Variants in FAM228B observed in about 807,000 individuals in gnomAD.
The protein encoded by FAM228B is family with sequence similarity 228 member B.
FAM228B carries 38 observed loss-of-function variants against 42.6 expected under a neutral mutation model. The ratio of observed to expected loss-of-function variants is 0.89; its 90% CI spans 0.69 to 1.17. The LOEUF is 1.17. FAM228B is among the 50% of genes most tolerant of loss of function. The probability of loss-of-function intolerance (pLI) is 0.00; values close to 1 mark genes in which losing one functional copy is unlikely to be tolerated. For synonymous variants in FAM228B, 109 were observed against 122.3 expected, an observed-to-expected ratio of 0.89 and a Z score of 0.72; for missense variants, 344 against 367.3, an observed-to-expected ratio of 0.94 and a Z score of 0.52.
chr2:24,090,819 C>T (rs1330177510), intron 2 of FAM228B, among the ~76,000 whole-genome samples: 1 of 152,086 alleles, frequency 6.6e-6, no homozygotes, highest in African/African-American at 2.4e-5. Context: ...AAGACAAGGT[C>T]TCATTCTGTT....
chr2:24,167,577 A>G (rs1373757493), intron 9 of FAM228B, 50 bp from the exon 10 acceptor site: 1 of 1,550,230 alleles, frequency 6.5e-7, no homozygotes, highest in East Asian at 2.4e-5. Flanking sequence ...AGTAACTAAT[A>G]TGGCCAGTCT....
intron 2 of FAM228B, among the ~76,000 whole-genome samples, chr2:24,093,956 G>A (rs1386580211): frequency 1.3e-5 from 2 of 151,218 alleles, no homozygotes; most frequent in Non-Finnish European, 2.9e-5. Flanking sequence ...AAACCTTTGG[G>A]TATATACCCA....
chr2:24,119,717 G>C (rs756780179), upstream of FAM228B: 39 of 1,526,404 alleles, frequency 2.6e-5, no homozygotes, highest in Middle Eastern at 1.7e-4. Flanking sequence ...TTCTGCTCTT[G>C]GTTCTAATCA....
intron 7 of FAM228B, among the ~76,000 whole-genome samples, chr2:24,158,215 C>CTTTTTTTTTTTTTTTTTTTTT (rs1335914110): frequency 2.2e-4 from 2 of 9,176 alleles, no homozygotes; most frequent in Non-Finnish European, 3.8e-4. Flanking sequence ...TTTTTTTTTC[C>CTTTTTTTTTTTTTTTTTTTTT]AAAACATTGT....
chr2:24,143,242 C>T (rs561790187), intron 5 of FAM228B, among the ~76,000 whole-genome samples: 1 of 151,746 alleles, frequency 6.6e-6, no homozygotes, highest in Non-Finnish European at 1.5e-5. Flanking sequence ...GTGCAGTGGC[C>T]CAATCTCGGC....
Position 24,080,713 on chromosome 2 carries a change from T to C in FAM228B, c.-289-163T>C, listed in dbSNP as rs973967828. The C allele has an allele frequency of 7.2e-7, 1 of 1,389,082 alleles. No homozygotes were observed. Among genetic ancestry groups the C allele is most frequent in the Non-Finnish European group, 1.0e-6 (1 of 992,162 alleles). 86.0% of individuals were successfully genotyped at this position (1,389,082 alleles called of 1,614,324 possible). A position where few individuals can be genotyped will look rare whatever the true frequency, so the allele number is the denominator to read the frequency against. On this transcript the variant is annotated intron_variant, in intron 1 of 10. Coordinates refer to the FAM228B transcript ENST00000613899. This position sits in a 1 kb window ranked among gnomAD's most constrained non-coding sequence, Gnocchi z 4.7. ...TTTGGCCAGGGCAGCTGTTGTGCACTTAGCAGAGGTAAGACTGATACACAG... is the reference window on the plus strand; with the variant it reads ...TTTGGCCAGGGCAGCTGTTGTGCACCTAGCAGAGGTAAGACTGATACACAG...
chr2:24,141,687 G>T (rs6545302), intron 5 of FAM228B, among the ~76,000 whole-genome samples: 47,029 of 152,104 alleles, frequency 0.31, 7,696 homozygotes, highest in South Asian at 0.43. Flanking sequence ...CTAGATACTA[G>T]TTTTTAAAAT....
intron 3 of FAM228B, among the ~76,000 whole-genome samples, chr2:24,113,833 C>T (rs1372502819): frequency 2.0e-5 from 3 of 152,086 alleles, no homozygotes; most frequent in Non-Finnish European, 4.4e-5. Flanking sequence ...GCCGAGATTG[C>T]ACCATTGCAC....
Position 24,116,609 on chromosome 2 carries a change from C to CT in FAM228B, c.-120-18507dup, listed in dbSNP as rs745508826. On this transcript the variant is annotated intron_variant, in intron 3 of 10. Transcript: ENST00000613899. ...GTGGCTCACGCCTATAATCCCAGCA[C>CT]TTTGGGAGGCTGAGGCGGGCAGATC... is the stretch of plus-strand genomic sequence containing the variant. Among the ~76,000 whole-genome samples the CT allele has an allele frequency of 3.9e-5, 6 of 152,118 alleles. No homozygotes were observed. In the South Asian group the frequency reaches 6.2e-4, roughly 16 times the overall value.
intron 3 of FAM228B, among the ~76,000 whole-genome samples, chr2:24,113,400 C>T (rs1558374810): frequency 6.6e-6 from 1 of 152,018 alleles, no homozygotes; most frequent in African/African-American, 2.4e-5. Context: ...TGGTGAGACC[C>T]CATCTTTACA....
chr2:24,079,438 A>C (rs766082791), intron 1 of FAM228B: 1 of 1,613,366 alleles, frequency 6.2e-7, no homozygotes, highest in Non-Finnish European at 8.5e-7. Context: ...TTCATTCATC[A>C]CTCACCTTAT....
At chr2:24,139,558 T>G in intron 5 of FAM228B, 108 bp downstream of exon 5, 1 of 531,336 alleles carries the variant, frequency 1.9e-6, no homozygotes, top group Non-Finnish European at 3.3e-6. Flanking sequence ...GCAGTAACAT[T>G]TTAAGCATAG....
At chr2:24,123,779 G>A (rs1368337531) in intron 1 of FAM228B, among the ~76,000 whole-genome samples, 2 of 151,886 alleles carry the variant, frequency 1.3e-5, no homozygotes, top group Non-Finnish European at 2.9e-5. Flanking sequence ...GGCCGCAGGC[G>A]CCCGGCCTAG....
intron 3 of FAM228B, chr2:24,115,750 A>G: frequency 9.2e-6 from 8 of 869,014 alleles, no homozygotes; most frequent in East Asian, 2.6e-5. Context: ...CTGGAGAAAC[A>G]AGGGTGACTG....
rs538353875 is a variant in FAM228B, at chr2:24,169,628, C to A, written c.*287C>A. On this transcript the variant is annotated 3_prime_UTR_variant, in exon 11 of 11. Transcript: ENST00000615575. The surrounding 1 kb of genome is among the most constrained non-coding windows in gnomAD (Gnocchi z 4.2). ...CTGAACGAACCAATAAAAATAATTA[C>A]AGCTCCCTCACTAAGTGTCCATCTC... is the stretch of plus-strand genomic sequence containing the variant. 20 of 261,526 alleles carry A rather than the reference C, an allele frequency of 7.6e-5. No homozygotes were observed. The East Asian group carries it at 1.5e-3, about 20-fold the overall frequency. 16.2% of individuals were successfully genotyped at this position (261,526 alleles called of 1,614,324 possible). A position where few individuals can be genotyped will look rare whatever the true frequency, so the allele number is the denominator to read the frequency against.
intron 7 of FAM228B, among the ~76,000 whole-genome samples, chr2:24,160,667 T>C (rs544639824): frequency 1.3e-5 from 2 of 152,318 alleles, no homozygotes; most frequent in African/African-American, 4.8e-5. Context: ...ATTGGTTCCT[T>C]TTCTTCTTCA....
chr2:24,158,570 A>G (rs1222630510), intron 7 of FAM228B, among the ~76,000 whole-genome samples: 1 of 152,056 alleles, frequency 6.6e-6, no homozygotes, highest in East Asian at 1.9e-4. Flanking sequence ...CTTTAATCTG[A>G]TGTGTGAGGT....
At chr2:24,094,692 C>T (rs1665461488) in intron 2 of FAM228B, among the ~76,000 whole-genome samples, 1 of 152,122 alleles carries the variant, frequency 6.6e-6, no homozygotes, top group African/African-American at 2.4e-5. Context: ...TATGTTGCCT[C>T]AGCTGGTCTT....
intron 2 of FAM228B, among the ~76,000 whole-genome samples, chr2:24,088,995 T>C (rs1665323475): frequency 6.6e-6 from 1 of 152,048 alleles, no homozygotes; most frequent in Non-Finnish European, 1.5e-5. Context: ...GTAGAAACAG[T>C]GTGGTTTCCC....
Sources: allele counts gnomAD v4.1 joint callset (sites outside exome capture counted in the v4.1 genomes callset), GRCh38; gene constraint gnomAD v4.1.1; non-coding constraint Gnocchi (gnomAD v3.1); transcripts MANE v1.5; gene names NCBI Gene and HGNC (gene_info 2026-07-23, HGNC 2026-07-21).